Variants in TAFA1 observed in about 807,000 individuals in gnomAD.
TAFA1 encodes chemokine-like protein TAFA-1.
TAFA1 carries 4 observed loss-of-function variants against 18.5 expected under a neutral mutation model. The ratio of observed to expected loss-of-function variants is 0.22; its 90% CI spans 0.11 to 0.49. The LOEUF (loss-of-function observed/expected upper bound fraction) is 0.49, where lower values mean the gene tolerates loss of function less well. Among genes scored for constraint, TAFA1 ranks in the 20% least tolerant of loss-of-function variants. The pLI, the probability that TAFA1 is intolerant of heterozygous loss-of-function variation, is 0.98. For missense variants in TAFA1, 147 were observed against 169.0 expected, an observed-to-expected ratio of 0.87 and a Z score of 0.72; for synonymous variants, 56 against 55.2, an observed-to-expected ratio of 1.01 and a Z score of -0.06.
intron 3 of TAFA1, among the ~76,000 whole-genome samples, chr3:68,426,668 T>G (rs896292031): frequency 6.6e-6 from 1 of 151,904 alleles, no homozygotes; most frequent in Non-Finnish European, 1.5e-5. Flanking sequence ...ATAAACGGCT[T>G]ACAAACTCAA....
chr3:68,402,536 A>G (rs1330052477), intron 2 of TAFA1, among the ~76,000 whole-genome samples: 1 of 152,204 alleles, frequency 6.6e-6, no homozygotes, highest in Non-Finnish European at 1.5e-5. Flanking sequence ...TTTCTACCTG[A>G]GTCATAGTTA....
chr3:68,076,935 G>A (rs1251899212), intron 2 of TAFA1, among the ~76,000 whole-genome samples: 4 of 152,144 alleles, frequency 2.6e-5, no homozygotes, highest in African/African-American at 9.7e-5. Context: ...CAGTGTAAAA[G>A]TGTTCCTATT....
At chr3:68,246,109 C>A (rs972620104) in intron 2 of TAFA1, among the ~76,000 whole-genome samples, 5 of 152,112 alleles carry the variant, frequency 3.3e-5, no homozygotes, top group African/African-American at 1.2e-4. Context: ...TCCACATCTC[C>A]ATGTGGAGCT....
chr3:68,004,677 A>T lies in TAFA1; in HGVS notation c.-29A>T, dbSNP rs1704327798. The stretch of plus-strand genomic sequence containing the variant: ...TCTTTCCAATGAACACTAATAGAGT[A>T]CTCTGCTCTTGGCTGGATTTTTCAG... On this transcript the variant is annotated 5_prime_UTR_variant, in exon 1 of 5. Coordinates refer to ENST00000478136, the MANE Select transcript of TAFA1 (RefSeq NM_213609.4). The T allele has an allele frequency of 6.6e-6, 1 of 152,094 alleles. No homozygotes were observed. Among genetic ancestry groups the T allele is most frequent in the Admixed American group, 6.5e-5 (1 of 15,274 alleles). The allele number at this position is 152,094 out of a possible 1,614,324, so 9.4% of individuals were successfully genotyped here. A position where few individuals can be genotyped will look rare whatever the true frequency, so the allele number is the denominator to read the frequency against.
chr3:68,429,566 A>T (rs1382667522), intron 3 of TAFA1, among the ~76,000 whole-genome samples: 1 of 151,896 alleles, frequency 6.6e-6, no homozygotes, highest in Non-Finnish European at 1.5e-5. Flanking sequence ...GGAGAACAAT[A>T]ACACCAGTCA....
intron 2 of TAFA1, among the ~76,000 whole-genome samples, chr3:68,208,529 T>C (rs2066554158): frequency 6.6e-6 from 1 of 152,004 alleles, no homozygotes; most frequent in Non-Finnish European, 1.5e-5. Context: ...CTACTCAATC[T>C]GGCTTCTTCC....
At chr3:68,277,632 T>C (rs947360965) in intron 2 of TAFA1, among the ~76,000 whole-genome samples, 3 of 152,122 alleles carry the variant, frequency 2.0e-5, no homozygotes, top group Non-Finnish European at 2.9e-5. Flanking sequence ...ATGCAAAAGA[T>C]AGAAAAAATA....
chr3:68,519,545 C>T (rs918094177), intron 3 of TAFA1, among the ~76,000 whole-genome samples: 4 of 152,176 alleles, frequency 2.6e-5, no homozygotes, highest in Non-Finnish European at 5.9e-5. Context: ...TATAGGCTAC[C>T]TTATCCAGTT....
At chr3:68,099,502 A>G (rs547718794) in intron 2 of TAFA1, among the ~76,000 whole-genome samples, 11 of 152,246 alleles carry the variant, frequency 7.2e-5, no homozygotes, top group African/African-American at 2.6e-4. Flanking sequence ...AGTCAAAGAC[A>G]ACAGGTGCTG....
intron 2 of TAFA1, among the ~76,000 whole-genome samples, chr3:68,009,755 C>A (rs569096943): frequency 6.6e-6 from 1 of 152,094 alleles, no homozygotes. Context: ...TTAATACAAT[C>A]TTTTGATTTT....
chr3:68,163,773 G>A (rs1319845258), intron 2 of TAFA1, among the ~76,000 whole-genome samples: 1 of 152,136 alleles, frequency 6.6e-6, no homozygotes, highest in East Asian at 1.9e-4. Context: ...ACTAATTAAA[G>A]AGACTTAATT....
intron 4 of TAFA1, among the ~76,000 whole-genome samples, chr3:68,541,625 T>C (rs1003408747): frequency 2.0e-5 from 3 of 152,136 alleles, no homozygotes; most frequent in Non-Finnish European, 2.9e-5. Flanking sequence ...TTTGTTCTTT[T>C]TTGTGTGAGA....
intron 2 of TAFA1, among the ~76,000 whole-genome samples, chr3:68,407,152 GA>G (rs896716490): frequency 1.3e-5 from 2 of 151,824 alleles, no homozygotes. Flanking sequence ...TGAAAAAAGG[GA>G]AAAAAATAAG....
chr3:68,428,773 A>G (rs2071108215), intron 3 of TAFA1, among the ~76,000 whole-genome samples: 1 of 151,998 alleles, frequency 6.6e-6, no homozygotes, highest in African/African-American at 2.4e-5. Context: ...TGATTGGGCA[A>G]TTAACTAGAC....
At chr3:68,455,202 A>C (rs984844985) in intron 3 of TAFA1, among the ~76,000 whole-genome samples, 81 of 152,202 alleles carry the variant, frequency 5.3e-4, no homozygotes, top group African/African-American at 1.7e-3. Context: ...CATATTGACT[A>C]GGCTGAGGAG....
chr3:68,359,091 T>A (rs1419707817), intron 2 of TAFA1, among the ~76,000 whole-genome samples: 1 of 152,076 alleles, frequency 6.6e-6, no homozygotes, highest in Non-Finnish European at 1.5e-5. Flanking sequence ...TGTCTACTCT[T>A]GGGCCAGATA....
intron 3 of TAFA1, among the ~76,000 whole-genome samples, chr3:68,473,632 C>T (rs2072040747): frequency 6.6e-6 from 1 of 152,144 alleles, no homozygotes; most frequent in African/African-American, 2.4e-5. Flanking sequence ...AGAATGATTA[C>T]CTGAGATACC....
chr3:68,520,542 G>T (rs2073004512), intron 3 of TAFA1, among the ~76,000 whole-genome samples: 1 of 152,172 alleles, frequency 6.6e-6, no homozygotes, highest in Admixed American at 6.5e-5. Context: ...GAGTAAAATT[G>T]AATTTGGCTT....
At chr3:68,217,072 G>C (rs1423531724) in intron 2 of TAFA1, among the ~76,000 whole-genome samples, 3 of 152,012 alleles carry the variant, frequency 2.0e-5, no homozygotes, top group Admixed American at 6.6e-5. Flanking sequence ...AAGTGTAAAG[G>C]ATGGAAAAGT....
Sources: gnomAD v4.1 joint callset for allele counts (sites outside exome capture counted in the v4.1 genomes callset) on GRCh38, gnomAD v4.1.1 for gene constraint, MANE v1.5 for transcripts, NCBI Gene and HGNC (gene_info 2026-07-23, HGNC 2026-07-21) for gene names.